The following NLRP1 variants were observed in gnomAD, a reference collection of about 807,000 sequenced individuals.
NLRP1 encodes the protein NACHT, LRR and PYD domains-containing protein 1.
NLRP1 carries 94 observed loss-of-function variants against 136.7 expected under a neutral mutation model. That is an observed-to-expected ratio of 0.69 (90% CI 0.58 to 0.82). NLRP1 has a LOEUF of 0.82. Among genes scored for constraint, NLRP1 ranks in the 40% least tolerant of loss-of-function variants. The pLI is 0.00. For synonymous variants in NLRP1, 690 were observed against 725.1 expected, an observed-to-expected ratio of 0.95 and a Z score of 0.78; for missense variants, 1,575 against 1,802.7, an observed-to-expected ratio of 0.87 and a Z score of 2.29.
intron 5 of NLRP1, among the ~76,000 whole-genome samples, chr17:5,545,353 C>G (rs56024463): frequency 2.8e-5 from 4 of 144,260 alleles, no homozygotes; most frequent in East Asian, 7.2e-4. Flanking sequence ...CACACACACA[C>G]ACACAGACAC....
chr17:5,503,890 C>A (rs557074417), intron 15 of NLRP1: 1 of 152,254 alleles, frequency 6.6e-6, no homozygotes, highest in African/African-American at 2.4e-5. Context: ...CTGGGACCTG[C>A]CCAGAGTACA....
intron 5 of NLRP1, among the ~76,000 whole-genome samples, chr17:5,545,168 T>C (rs1342730829): frequency 1.3e-5 from 2 of 152,088 alleles, no homozygotes; most frequent in Admixed American, 1.3e-4. Flanking sequence ...CCTGGCAAGG[T>C]GTGGTGACTC....
At chr17:5,553,361 A>AGAAC in intron 5 of NLRP1, 25 bp downstream of exon 5, 3 of 1,584,992 alleles carry the variant, frequency 1.9e-6, no homozygotes, top group Non-Finnish European at 2.6e-6. Flanking sequence ...TCCCTGCTTC[A>AGAAC]GAACAGAACC....
intron 12 of NLRP1, among the ~76,000 whole-genome samples, chr17:5,525,957 T>C (rs1909485072): frequency 6.7e-6 from 1 of 149,810 alleles, no homozygotes; most frequent in Admixed American, 6.7e-5. Flanking sequence ...ACTCTTGGGG[T>C]CTGGGAAGAA....
Position 5,559,616 on chromosome 17 carries a change from G to A in NLRP1, c.1080C>T (p.Arg360=). 6.2e-7 allele frequency: 1 copy of A among 1,614,234 alleles called. No individual in the cohort carries two copies. The highest frequency in any genetic ancestry group is 8.5e-7 in the Non-Finnish European group (1 of 1,180,044). ...AGCTGAAGTAGAAGACATGCTGGAA[G>A]CGGTCCCCATACAGCTGGCCTCTCC... ...AWGRGQLYGD[R]FQHVFYFSCR... Residue 360 remains arginine (R), a synonymous_variant, in exon 4 of 17, where the codon CGC becomes CGT. Coordinates refer to ENST00000572272, the MANE Select transcript of NLRP1 (RefSeq NM_033004.4).
At chr17:5,552,084 C>CTTTTTTTTTTTTTTTTTTTTT (rs71151872) in intron 5 of NLRP1, among the ~76,000 whole-genome samples, 2 of 96,672 alleles carry the variant, frequency 2.1e-5, no homozygotes, top group African/African-American at 5.3e-5. Context: ...TCTATCTTTC[C>CTTTTTTTTTTTTTTTTTTTTT]TTTTTTTTTT....
intron 5 of NLRP1, among the ~76,000 whole-genome samples, chr17:5,552,084 CTTTTTTTTTTT>C (rs71151872): frequency 0.011 from 1,020 of 96,728 alleles, 14 homozygotes; most frequent in African/African-American, 0.046. Context: ...TCTATCTTTC[CTTTTTTTTTTT>C]TTTTTTTTTT....
chr17:5,510,780 G>A (rs961566356), downstream of NLRP1, among the ~76,000 whole-genome samples: 2 of 152,026 alleles, frequency 1.3e-5, no homozygotes, highest in Non-Finnish European at 2.9e-5. Flanking sequence ...TCAGGCCTTC[G>A]CCTCTCAAAG....
chr17:5,577,815 C>T (rs1025253191), intron 3 of NLRP1, among the ~76,000 whole-genome samples: 1 of 152,152 alleles, frequency 6.6e-6, no homozygotes, highest in Non-Finnish European at 1.5e-5. Context: ...AATCCTAAGC[C>T]AAAAGAACAA....
At chr17:5,551,508 T>G (rs1009306972) in intron 5 of NLRP1, among the ~76,000 whole-genome samples, 2 of 152,240 alleles carry the variant, frequency 1.3e-5, no homozygotes, top group African/African-American at 4.8e-5. Context: ...GGTTTTTGTG[T>G]GGACAGAGGT....
chr17:5,530,529 G>C lies in NLRP1; in HGVS notation c.3472C>G (p.Pro1158Ala). The change falls in exon 12 of 17, where the codon CCT (proline) becomes GCT (alanine). Residue 1158 changes from proline (P) to alanine (A), a missense_variant. By Grantham distance (27) the Pro-to-Ala change is conservative (BLOSUM62 -1). Coordinates refer to ENST00000572272, the MANE Select transcript of NLRP1 (RefSeq NM_033004.4). ...AGGTGCACAGCTTCCACAGCTCCAG[G>C]CTCAGCCTTGATGTCCAGCAGAGGC... is the stretch of plus-strand genomic sequence containing the variant. ...AGPLLDIKAE[P>A]GAVEAVHLPH... 1.2e-6 allele frequency: 2 copies of C among 1,614,198 alleles called. No individual in the cohort carries two copies. Among genetic ancestry groups the C allele is most frequent in the Non-Finnish European group, 1.7e-6 (2 of 1,180,028 alleles).
intron 15 of NLRP1, among the ~76,000 whole-genome samples, chr17:5,506,771 C>T (rs1174347177): frequency 2.0e-5 from 3 of 150,888 alleles, no homozygotes; most frequent in Admixed American, 6.6e-5. Context: ...GCATGATGGT[C>T]GACACCTGTA....
At chr17:5,505,446 T>C (rs1907285694) in intron 15 of NLRP1, 1 of 152,532 alleles carries the variant, frequency 6.6e-6, no homozygotes, top group African/African-American at 2.4e-5. Flanking sequence ...CTGGGCGCTG[T>C]GAGGTGGCAC....
intron 8 of NLRP1, among the ~76,000 whole-genome samples, chr17:5,536,575 T>G (rs927736223): frequency 8.6e-5 from 13 of 151,862 alleles, no homozygotes; most frequent in African/African-American, 3.1e-4. Context: ...CTCAGCCTCT[T>G]GAGTAGCTGG....
At chr17:5,510,265 G>A (rs1907557180), downstream of NLRP1, among the ~76,000 whole-genome samples, 1 of 151,946 alleles carries the variant, frequency 6.6e-6, no homozygotes, top group South Asian at 2.1e-4. Flanking sequence ...GCATGATTAT[G>A]GCTCACTGGA....
At position 5,541,776 on chromosome 17, in the gene NLRP1, T is replaced by C. The variant is rs1911894783; in HGVS notation, c.2699+81A>G. On this transcript the variant is annotated intron_variant, in intron 6 of 16. Transcript: ENST00000572272. The surrounding 1 kb of genome is among the most constrained non-coding windows in gnomAD (Gnocchi z 4.2). The stretch of plus-strand genomic sequence containing the variant: ...CCACTCCCACAAAGCAGGTCTCACC[T>C]TCTCTCTGCTCTTACCCTCTGCCTG... 1.4e-6 allele frequency: 2 copies of C among 1,445,642 alleles called. No homozygotes were observed. Among genetic ancestry groups the C allele is most frequent in the African/African-American group, 2.8e-5 (2 of 71,200 alleles). 89.6% of individuals were successfully genotyped at this position (1,445,642 alleles called of 1,614,324 possible).
intron 11 of NLRP1, 27 bp from the exon 12 acceptor site, chr17:5,530,731 C>T (rs764919903): frequency 6.3e-7 from 1 of 1,578,802 alleles, no homozygotes; most frequent in Admixed American, 1.7e-5. Context: ...GAGGCAGACA[C>T]TTACTGCACG....
At chr17:5,545,818 G>A (rs1010618762) in intron 5 of NLRP1, among the ~76,000 whole-genome samples, 2 of 152,188 alleles carry the variant, frequency 1.3e-5, no homozygotes, top group African/African-American at 2.4e-5. Flanking sequence ...CTGGGTGGTC[G>A]GTTCTACCCA....
chr17:5,501,972 A>G, intron 15 of NLRP1: 2 of 1,077,070 alleles, frequency 1.9e-6, no homozygotes, highest in Admixed American at 1.8e-5. Flanking sequence ...TCCAACTCAA[A>G]CTGCCATCAG....
Sources: gnomAD v4.1 joint callset for allele counts (sites outside exome capture counted in the v4.1 genomes callset) on GRCh38, gnomAD v4.1.1 for gene constraint, Gnocchi (gnomAD v3.1) non-coding constraint, MANE v1.5 for transcripts, NCBI Gene and HGNC (gene_info 2026-07-23, HGNC 2026-07-21) for gene names.